PRR12: variants seen among roughly 807,000 people sequenced by gnomAD.
The protein encoded by PRR12 is proline-rich protein 12.
In PRR12, 12 loss-of-function variants were observed where a neutral mutation model predicts 138.0. That is an observed-to-expected ratio of 0.09 (90% CI 0.06 to 0.14). The LOEUF is 0.14. Ranked by LOEUF, PRR12 falls within the 10% of genes least tolerant of loss-of-function variation. The pLI is 1.00. For synonymous variants in PRR12, 1,567 were observed against 1,291.7 expected (o/e 1.21, Z -4.57); for missense variants, 2,692 against 2,861.3 (o/e 0.94, Z 1.35).
At position 49,594,960 on chromosome 19, in the gene PRR12, G is replaced by T. The variant is rs1207380577; in HGVS notation, c.625G>T (p.Ala209Ser). The change falls in exon 4 of 14, where the codon GCA becomes TCA. Residue 209 changes from alanine (A) to serine (S), a missense_variant. Ala to Ser is a moderately conservative substitution (Grantham distance 99). Coordinates refer to ENST00000418929, the MANE Select transcript of PRR12 (RefSeq NM_020719.3). This position sits in a 1 kb window ranked among gnomAD's most constrained non-coding sequence, Gnocchi z 5.6. Reference sequence around the variant, plus strand: ...CTCTTCACTGGGCTTCGAGCGCCTGGCAGGGGGCGGTGTCTTGGGGCCAGC... The same window carrying T: ...CTCTTCACTGGGCTTCGAGCGCCTGTCAGGGGGCGGTGTCTTGGGGCCAGC... ...VPSSLGFERLAGGGVLGPAGL... is the reference protein window; with the variant it reads ...VPSSLGFERLSGGGVLGPAGL... 1 of 1,600,004 alleles carries T rather than the reference G, an allele frequency of 6.2e-7. No individual in the cohort carries two copies.
At chr19:49,613,166 C>T (rs1465207411) in intron 6 of PRR12, among the ~76,000 whole-genome samples, 3 of 151,546 alleles carry the variant, frequency 2.0e-5, no homozygotes, top group Non-Finnish European at 4.4e-5. Context: ...GCAAAAACCC[C>T]TTCTCTACTA....
In PRR12 at chr19:49,597,344, C is replaced by G. The variant is rs1467139484; in HGVS notation, c.3009C>G (p.Pro1003=). The G allele has an allele frequency of 5.2e-6, 8 of 1,540,900 alleles. No individual in the cohort carries two copies. Among genetic ancestry groups the G allele is most frequent in the Non-Finnish European group, 7.0e-6 (8 of 1,147,558 alleles). ...YCPGRASGAG[P]ETPGLGLDPN... ...CTGGCCGGGCGTCGGGAGCCGGGCC[C>G]GAGACACCGGGCCTGGGCCTGGACC... Residue 1003 remains proline, a synonymous_variant, in exon 4 of 14, where the codon CCC becomes CCG. Coordinates refer to ENST00000418929, the MANE Select transcript of PRR12 (RefSeq NM_020719.3). The surrounding 1 kb of genome is among the most constrained non-coding windows in gnomAD (Gnocchi z 6.3).
chr19:49,606,848 T>C (rs1444259708), intron 6 of PRR12, among the ~76,000 whole-genome samples: 6 of 152,120 alleles, frequency 3.9e-5, no homozygotes, highest in Admixed American at 3.9e-4. Context: ...GGTTTCACCA[T>C]GTTGGTCAGG....
Position 49,594,841 on chromosome 19 carries a change from G to A in PRR12, c.506G>A (p.Ser169Asn), listed in dbSNP as rs973954463. ...SRPFPVPSSL[S>N]LQDPPFSPPA... is the part of the protein sequence containing the mutation. ...CCCTTCCCAGTGCCCTCGTCCCTCAGCCTCCAGGACCCCCCATTCAGCCCT... is the reference window on the plus strand; with the variant it reads ...CCCTTCCCAGTGCCCTCGTCCCTCAACCTCCAGGACCCCCCATTCAGCCCT... Residue 169 changes from serine (S) to asparagine (N), a missense_variant, in exon 4 of 14, where the codon AGC becomes AAC. By Grantham distance (46) the Ser-to-Asn change is conservative (BLOSUM62 1). Coordinates refer to ENST00000418929, the MANE Select transcript of PRR12 (RefSeq NM_020719.3). This position sits in a 1 kb window ranked among gnomAD's most constrained non-coding sequence, Gnocchi z 5.6. The A allele has an allele frequency of 6.2e-7, 1 of 1,611,208 alleles. No individual in the cohort carries two copies. Among genetic ancestry groups the A allele is most frequent in the African/African-American group, 1.3e-5 (1 of 74,828 alleles).
chr19:49,600,405 G>A (rs1370656150), intron 5 of PRR12, among the ~76,000 whole-genome samples: 1 of 151,798 alleles, frequency 6.6e-6, no homozygotes, highest in Non-Finnish European at 1.5e-5. Context: ...CACAGTTTAA[G>A]GAGTGTAATG....
chr19:49,619,035 A>G (rs1018803329), intron 9 of PRR12, among the ~76,000 whole-genome samples: 1 of 151,924 alleles, frequency 6.6e-6, no homozygotes, highest in African/African-American at 2.4e-5. Flanking sequence ...GACCTGTGCA[A>G]TGCCAGCTCC....
chr19:49,595,681 A>G lies in PRR12; in HGVS notation c.1346A>G (p.Gln449Arg). The stretch of plus-strand genomic sequence containing the variant: ...CAGGCTTATTCCCCCGGTCAGCCTC[A>G]AGGGCTTCTGGGACCCCAGGCCTAC... The part of the protein sequence containing the change: ...GGQAYSPGQP[Q>R]GLLGPQAYGQ... Residue 449 changes from glutamine (Q) to arginine (R), a missense_variant, in exon 4 of 14, where the codon CAA becomes CGA. Gln to Arg is a conservative substitution (Grantham distance 43, BLOSUM62 1). This residue lies in a region of PRR12 where 523 missense variants were observed against 496.4 expected (regional missense o/e 1.05). Coordinates refer to ENST00000418929, the MANE Select transcript of PRR12 (RefSeq NM_020719.3). The G allele has an allele frequency of 6.3e-7, 1 of 1,595,868 alleles. No homozygotes were observed. Among genetic ancestry groups the G allele is most frequent in the East Asian group, 2.2e-5 (1 of 44,698 alleles).
Position 49,597,445 on chromosome 19 carries a change from C to T in PRR12, c.3110C>T (p.Ala1037Val), listed in dbSNP as rs533271409. 11 of 1,538,880 alleles carry T rather than the reference C, an allele frequency of 7.1e-6. No homozygotes were observed. The highest frequency in any genetic ancestry group is 1.4e-5 in the African/African-American group (1 of 73,060). The stretch of plus-strand genomic sequence containing the variant: ...CTGATCCAGAGTGGCCCCCACCAGG[C>T]GGCGCCACCACCCCCGCCTCCGCCA... ...LGLIQSGPHQ[A>V]APPPPPPPPP... The change falls in exon 4 of 14, where the codon GCG becomes GTG. Residue 1037 changes from alanine (A) to valine (V), a missense_variant. By Grantham distance (64) the Ala-to-Val change is moderately conservative. Around this residue, in one of 11 missense-constraint regions of PRR12, gnomAD observed 840 missense variants for 689.8 expected, o/e 1.22. Transcript: ENST00000418929. The surrounding 1 kb of genome is among the most constrained non-coding windows in gnomAD (Gnocchi z 6.3).
Position 49,599,993 on chromosome 19 carries a change from A to G in PRR12, c.4345+55A>G. 1 of 1,477,892 alleles carries G rather than the reference A, an allele frequency of 6.8e-7. No individual in the cohort carries two copies. Among genetic ancestry groups the G allele is most frequent in the Non-Finnish European group, 9.1e-7 (1 of 1,101,746 alleles). 91.5% of individuals were successfully genotyped at this position (1,477,892 alleles called of 1,614,324 possible). A position where few individuals can be genotyped will look rare whatever the true frequency, so the allele number is the denominator to read the frequency against. On this transcript the variant is annotated intron_variant, in intron 5 of 13. Transcript: ENST00000418929. The surrounding 1 kb of genome is among the most constrained non-coding windows in gnomAD (Gnocchi z 5.0). ...GAGCTTAAAGGTTATTATGATCACT[A>G]GGTAACAGTTGTGCAGGTTACGCAC...
chr19:49,615,273 G>T (rs2080885821), intron 8 of PRR12, among the ~76,000 whole-genome samples: 1 of 150,386 alleles, frequency 6.6e-6, no homozygotes, highest in Non-Finnish European at 1.5e-5. Flanking sequence ...AGAACCAGAC[G>T]CATGAGGGAG....
At position 49,620,219 on chromosome 19, in the gene PRR12, C is replaced by G. The variant is rs975679534; in HGVS notation, c.5498-133C>G. The G allele has an allele frequency of 3.2e-6, 4 of 1,239,242 alleles. No individual in the cohort carries two copies. In the African/African-American group the frequency reaches 4.5e-5, roughly 14 times the overall value. The allele number at this position is 1,239,242 out of a possible 1,614,324, so 76.8% of individuals were successfully genotyped here. On this transcript the variant is annotated intron_variant, in intron 9 of 13. Coordinates refer to ENST00000418929, the MANE Select transcript of PRR12 (RefSeq NM_020719.3). The stretch of plus-strand genomic sequence containing the variant: ...GTGGCACTGGCGCTTGCCTGTCAAT[C>G]TTCCCTAGCGGACTTGGACCTCCCA...
intron 8 of PRR12, among the ~76,000 whole-genome samples, chr19:49,615,214 AACAGAGACCCAGAGGTGGGGGG>A (rs1438629084): frequency 6.8e-6 from 1 of 146,606 alleles, no homozygotes; most frequent in African/African-American, 2.5e-5. Flanking sequence ...ACAGGAGGGG[AACAGAGACCCAGAGGTGGGGGG>A]ACAGAGACCC....
At position 49,593,399 on chromosome 19, in the gene PRR12, C is replaced by G. The variant is rs1309151211; in HGVS notation, c.159C>G (p.Pro53=). Residue 53 remains proline (P), a synonymous_variant, in exon 2 of 14, where the codon CCC becomes CCG. Transcript: ENST00000418929. ...TACACCGCCAGGCCTATGCGGCCCC[C>G]CACCCACTGCAAAGCTATGCCACCA... is the stretch of plus-strand genomic sequence containing the variant. ...DILHRQAYAA[P]HPLQSYATNH... 1.2e-6 allele frequency: 2 copies of G among 1,611,748 alleles called. No homozygotes were observed. Among genetic ancestry groups the G allele is most frequent in the Non-Finnish European group, 1.7e-6 (2 of 1,178,794 alleles).
At position 49,599,308 on chromosome 19, in the gene PRR12, G is replaced by C; in HGVS notation, c.3715G>C (p.Gly1239Arg). 6.2e-7 allele frequency: 1 copy of C among 1,611,820 alleles called. No individual in the cohort carries two copies. The highest frequency in any genetic ancestry group is 8.5e-7 in the Non-Finnish European group (1 of 1,178,984). Residue 1239 changes from glycine (G) to arginine (R), a missense_variant, in exon 5 of 14, where the codon GGA becomes CGA. By Grantham distance (125) the Gly-to-Arg change is moderately radical (BLOSUM62 -2). Coordinates refer to ENST00000418929, the MANE Select transcript of PRR12 (RefSeq NM_020719.3). The surrounding 1 kb of genome is among the most constrained non-coding windows in gnomAD (Gnocchi z 5.0). The stretch of plus-strand genomic sequence containing the variant: ...TGTGCCCAAGGCTGGCGAGGGTCTG[G>C]GAACCTCATCGGGTGATGCCATATC... Reference protein sequence around the residue: ...LSVPKAGEGLGTSSGDAISGT... With the variant: ...LSVPKAGEGLRTSSGDAISGT...
At chr19:49,605,370 C>G (rs1368806680) in intron 6 of PRR12, among the ~76,000 whole-genome samples, 1 of 152,140 alleles carries the variant, frequency 6.6e-6, no homozygotes, top group Non-Finnish European at 1.5e-5. Context: ...TCAAGCGATT[C>G]TCCTGCCTCA....
Position 49,601,687 on chromosome 19 carries a change from A to C in PRR12, c.4542A>C (p.Pro1514=), listed in dbSNP as rs2080812143. 4 of 1,535,554 alleles carry C rather than the reference A, an allele frequency of 2.6e-6. No homozygotes were observed. Among genetic ancestry groups the C allele is most frequent in the East Asian group, 4.9e-5 (2 of 40,684 alleles). The part of the protein sequence containing the change: ...PPPPAMPSPP[P]PPPPAAAPLA... ...CACCAGCCATGCCCTCGCCTCCACC[A>C]CCACCCCCACCAGCCGCTGCCCCAC... The change falls in exon 6 of 14, where the codon CCA becomes CCC. Residue 1514 remains proline, a synonymous_variant. Coordinates refer to ENST00000418929, the MANE Select transcript of PRR12 (RefSeq NM_020719.3).
chr19:49,594,001 C>G lies in PRR12; in HGVS notation c.200-453C>G, dbSNP rs758746890. Among the ~76,000 whole-genome samples, 15 of 152,084 alleles carry G rather than the reference C, an allele frequency of 9.9e-5. No homozygotes were observed. The highest frequency in any genetic ancestry group is 3.6e-4 in the African/African-American group (15 of 41,420). ...ATTGGCTCCTTCCCTTTTTCCCTCC[C>G]CATCTTTTTTTCTGAACCCTCCCAC... is the stretch of plus-strand genomic sequence containing the variant. On this transcript the variant is annotated intron_variant, in intron 2 of 13. Coordinates refer to ENST00000418929, the MANE Select transcript of PRR12 (RefSeq NM_020719.3). This position sits in a 1 kb window ranked among gnomAD's most constrained non-coding sequence, Gnocchi z 5.6.
At position 49,591,293 on chromosome 19, in the gene PRR12, G is replaced by C. The variant is rs931172674; in HGVS notation, c.-362G>C. ...AGCACCCAGCGCCTGCACCCACCCCGGGGCCGCCCGGGACGCCCCCTCCCG... is the reference window on the plus strand; with the variant it reads ...AGCACCCAGCGCCTGCACCCACCCCCGGGCCGCCCGGGACGCCCCCTCCCG... On this transcript the variant is annotated 5_prime_UTR_variant, in exon 1 of 14. Transcript: ENST00000418929. 3.4e-5 allele frequency among the ~76,000 whole-genome samples: 5 copies of C among 149,110 alleles called. No individual in the cohort carries two copies.
chr19:49,600,116 T>C (rs2080801962), intron 5 of PRR12, among the ~76,000 whole-genome samples, 178 bp downstream of exon 5: 1 of 152,224 alleles, frequency 6.6e-6, no homozygotes, highest in Non-Finnish European at 1.5e-5. Flanking sequence ...TCTATCTTTT[T>C]CTAATTCACT....
Sources: gnomAD v4.1 joint callset for allele counts (sites outside exome capture counted in the v4.1 genomes callset) on GRCh38, gnomAD v4.1.1 for gene constraint, gnomAD v4.1.1 regional missense constraint, Gnocchi (gnomAD v3.1) non-coding constraint, MANE v1.5 for transcripts, NCBI Gene and HGNC (gene_info 2026-07-23, HGNC 2026-07-21) for gene names.